Variants in SDK1 observed in about 807,000 individuals in gnomAD.
SDK1 encodes protein sidekick-1.
In SDK1, 157 loss-of-function variants were observed where a neutral mutation model predicts 245.5. That is an observed-to-expected ratio of 0.64 (90% CI 0.56 to 0.73). The LOEUF is 0.73. SDK1 is among the 30% of genes least tolerant of loss of function. The pLI, the probability that SDK1 is intolerant of heterozygous loss-of-function variation, is 0.00. For missense variants in SDK1, 3,583 were observed against 3,002.3 expected (o/e 1.19, Z -4.52); for synonymous variants, 1,647 against 1,278.5 (o/e 1.29, Z -6.15).
chr7:4,266,553 C>T lies in SDK1; in HGVS notation c.*1169C>T. The T allele has an allele frequency of 1.0e-6, 1 of 970,474 alleles. No homozygotes were observed. The highest frequency in any genetic ancestry group is 1.3e-4 in the East Asian group (1 of 7,916). The allele number at this position is 970,474 out of a possible 1,614,324, so 60.1% of individuals were successfully genotyped here. On this transcript the variant is annotated 3_prime_UTR_variant, in exon 45 of 45. Coordinates refer to ENST00000404826, the MANE Select transcript of SDK1 (RefSeq NM_152744.4). ...GTCCGAGGCCAGCTTTTAGCCTTAA[C>T]AGGTTTTTTGGAAATGTTTCTTTTT...
chr7:3,879,910 G>A (rs1962785), intron 5 of SDK1, among the ~76,000 whole-genome samples: 13 of 152,044 alleles, frequency 8.6e-5, no homozygotes, highest in South Asian at 2.1e-4. Flanking sequence ...GGCAGGCGGC[G>A]TATGCTACAT....
intron 28 of SDK1, among the ~76,000 whole-genome samples, chr7:4,145,521 C>G (rs939799620): frequency 6.6e-6 from 1 of 152,122 alleles, no homozygotes; most frequent in East Asian, 1.9e-4. Flanking sequence ...GAGCAGGAAA[C>G]AAGCTTCACA....
At chr7:4,081,719 G>A (rs1165266095) in intron 22 of SDK1, among the ~76,000 whole-genome samples, 4 of 152,054 alleles carry the variant, frequency 2.6e-5, no homozygotes, top group South Asian at 4.2e-4. Context: ...CACCTGACCT[G>A]TAAAGAGGTT....
chr7:3,826,471 C>G (rs191328289), intron 5 of SDK1, among the ~76,000 whole-genome samples: 1 of 152,320 alleles, frequency 6.6e-6, no homozygotes, highest in East Asian at 1.9e-4. Context: ...ACTAACGACA[C>G]AAGTGTTCCT....
chr7:3,637,521 C>T (rs1209698057), intron 2 of SDK1, among the ~76,000 whole-genome samples: 1 of 152,186 alleles, frequency 6.6e-6, no homozygotes, highest in Non-Finnish European at 1.5e-5. Context: ...AAGTTGTGGG[C>T]TCCGGAGTTG....
intron 1 of SDK1, among the ~76,000 whole-genome samples, chr7:3,348,933 T>A (rs1417810181): frequency 5.9e-5 from 9 of 152,022 alleles, no homozygotes; most frequent in Admixed American, 5.9e-4. Flanking sequence ...CATGAAAGAG[T>A]TTGATGCCAT....
At chr7:4,093,373 C>A (rs753815673) in intron 22 of SDK1, among the ~76,000 whole-genome samples, 2 of 150,796 alleles carry the variant, frequency 1.3e-5, no homozygotes, top group Non-Finnish European at 2.9e-5. Flanking sequence ...CAAAAGCCTG[C>A]CCTGAGCAGA....
chr7:3,829,318 C>G (rs1356667149), intron 5 of SDK1, among the ~76,000 whole-genome samples: 2 of 152,140 alleles, frequency 1.3e-5, no homozygotes, highest in African/African-American at 4.8e-5. Flanking sequence ...TTATAAATCA[C>G]ACATGAGAGT....
rs1784674567 is a variant in SDK1 at position 4,129,835 on chromosome 7, G to A, written c.3940-73G>A. ...GGCTGGGCCTTGATTCACGAAGGGG[G>A]CCTGCCCCATGCCACGGCGGTCCCT... On this transcript the variant is annotated intron_variant, in intron 26 of 44. Coordinates refer to ENST00000404826, the MANE Select transcript of SDK1 (RefSeq NM_152744.4). 3.1e-6 allele frequency: 5 copies of A among 1,594,786 alleles called. No homozygotes were observed. The South Asian group carries it at 5.6e-5, about 18-fold the overall frequency.
At chr7:4,098,489 C>T (rs188561174) in intron 22 of SDK1, among the ~76,000 whole-genome samples, 44 of 152,070 alleles carry the variant, frequency 2.9e-4, no homozygotes, top group Middle Eastern at 3.4e-3. Flanking sequence ...TTCCTTCATT[C>T]GCCCATTCAC....
intron 1 of SDK1, among the ~76,000 whole-genome samples, chr7:3,466,789 G>C (rs889779438): frequency 1.3e-5 from 2 of 151,698 alleles, no homozygotes; most frequent in Non-Finnish European, 2.9e-5. Flanking sequence ...CTAAAGCAGA[G>C]TTAAATTGAA....
At chr7:3,801,320 G>A (rs1456487928) in intron 4 of SDK1, among the ~76,000 whole-genome samples, 1 of 152,120 alleles carries the variant, frequency 6.6e-6, no homozygotes, top group Non-Finnish European at 1.5e-5. Flanking sequence ...GGAGCATAGT[G>A]CATATAATTT....
chr7:3,629,284 G>A (rs1307676607), intron 2 of SDK1, among the ~76,000 whole-genome samples: 2 of 148,430 alleles, frequency 1.3e-5, no homozygotes, highest in Non-Finnish European at 3.0e-5. Context: ...CTGGGAGACA[G>A]TACAATTCTC....
chr7:4,082,158 G>A (rs1467148450), intron 22 of SDK1, among the ~76,000 whole-genome samples: 3 of 152,166 alleles, frequency 2.0e-5, no homozygotes, highest in Non-Finnish European at 2.9e-5. Flanking sequence ...GGGGCGTCTG[G>A]AATGGCAGGA....
intron 28 of SDK1, among the ~76,000 whole-genome samples, chr7:4,140,944 A>AT (rs1779544541): frequency 6.6e-6 from 1 of 152,170 alleles, no homozygotes; most frequent in Admixed American, 6.5e-5. Flanking sequence ...TCTATTTTAA[A>AT]TTTTTAAAAA....
At position 3,920,599 on chromosome 7, in the gene SDK1, G is replaced by A. The variant is rs116771441; in HGVS notation, c.848-30324G>A. ...CAAAACAGAAGTTCTGCTTGGATTC[G>A]TTGCATTCTAGCTGCCAAGATGGAA... On this transcript the variant is annotated intron_variant, in intron 5 of 44. Coordinates refer to ENST00000404826, the MANE Select transcript of SDK1 (RefSeq NM_152744.4). 4.1e-3 allele frequency among the ~76,000 whole-genome samples: 618 copies of A among 152,248 alleles called. 3 individuals are homozygous for A. The highest frequency in any genetic ancestry group is 0.014 in the African/African-American group (591 of 41,544).
chr7:3,692,302 C>G (rs1376241601), intron 4 of SDK1, among the ~76,000 whole-genome samples: 2 of 151,902 alleles, frequency 1.3e-5, no homozygotes, highest in African/African-American at 4.8e-5. Context: ...CCCAAAATAA[C>G]TTGTTACTAT....
intron 14 of SDK1, among the ~76,000 whole-genome samples, chr7:4,007,269 G>T (rs1426147790): frequency 6.6e-6 from 1 of 152,178 alleles, no homozygotes; most frequent in Non-Finnish European, 1.5e-5. Flanking sequence ...CTCAGAGCGG[G>T]TTTCACTCTA....
chr7:4,017,964 A>T (rs1786550788), intron 17 of SDK1, among the ~76,000 whole-genome samples: 1 of 152,166 alleles, frequency 6.6e-6, no homozygotes, highest in Non-Finnish European at 1.5e-5. Context: ...TTTCCACAGC[A>T]TCTGGTTCCT....
Sources: gnomAD v4.1 joint callset for allele counts (sites outside exome capture counted in the v4.1 genomes callset) on GRCh38, gnomAD v4.1.1 for gene constraint, MANE v1.5 for transcripts, NCBI Gene and HGNC (gene_info 2026-07-23, HGNC 2026-07-21) for gene names.